SENP6: variants seen among roughly 807,000 people sequenced by gnomAD.
SENP6 encodes the protein SUMO specific peptidase 6, also known as sentrin-specific protease 6.
SENP6 carries 41 observed loss-of-function variants against 134.5 expected under a neutral mutation model. The ratio of observed to expected loss-of-function variants is 0.30; its 90% confidence interval spans 0.24 to 0.40. SENP6 has a LOEUF of 0.40. Ranked by LOEUF, SENP6 falls within the 10% of genes least tolerant of loss-of-function variation. The pLI is 1.00. For missense variants in SENP6, 1,248 were observed against 1,312.5 expected, an observed-to-expected ratio of 0.95 and a Z score of 0.76; for synonymous variants, 395 against 429.8, an observed-to-expected ratio of 0.92 and a Z score of 1.00.
intron 3 of SENP6, among the ~76,000 whole-genome samples, chr6:75,626,566 T>G (rs943972453): frequency 6.6e-6 from 1 of 152,172 alleles, no homozygotes; most frequent in Non-Finnish European, 1.5e-5. Flanking sequence ...TTTCCCCCAG[T>G]CTTTTGCTAT....
chr6:75,636,959 C>T (rs1204641441), intron 5 of SENP6, among the ~76,000 whole-genome samples: 1 of 151,324 alleles, frequency 6.6e-6, no homozygotes, highest in African/African-American at 2.4e-5. Flanking sequence ...TAGCTCACTG[C>T]AGCCTCAAAC....
intron 16 of SENP6, among the ~76,000 whole-genome samples, chr6:75,684,071 G>A (rs532788005): frequency 9.1e-4 from 139 of 151,962 alleles, no homozygotes; most frequent in African/African-American, 3.0e-3. Context: ...CTTTTATTTC[G>A]TTGAGCAGTG....
intron 14 of SENP6, chr6:75,677,975 C>T (rs1003250975): frequency 1.3e-5 from 2 of 152,474 alleles, no homozygotes; most frequent in African/African-American, 4.8e-5. Context: ...AAGGACTCCC[C>T]AGAGAAGAGC....
rs1010930206 is a variant in SENP6 at position 75,716,989 on chromosome 6, C to G, written c.*1395C>G. On this transcript the variant is annotated 3_prime_UTR_variant, in exon 24 of 24. Transcript: ENST00000447266. ...AACAACCAAAAAATATCTATTGAGA[C>G]ACAGTAGAGTCTCAGTAAGAGAAAT... 6.6e-6 allele frequency: 1 copy of G among 151,902 alleles called. No homozygotes were observed. Among genetic ancestry groups the G allele is most frequent in the Non-Finnish European group, 1.5e-5 (1 of 67,852 alleles). The allele number at this position is 151,902 out of a possible 1,614,324, so 9.4% of individuals were successfully genotyped here. A position where few individuals can be genotyped will look rare whatever the true frequency, so the allele number is the denominator to read the frequency against.
At chr6:75,636,008 G>T (rs1769483359) in intron 5 of SENP6, among the ~76,000 whole-genome samples, 1 of 151,780 alleles carries the variant, frequency 6.6e-6, no homozygotes, top group East Asian at 1.9e-4. Flanking sequence ...AATTACTAGT[G>T]ACCTATTTTC....
At chr6:75,651,761 A>G (rs907846050) in intron 7 of SENP6, among the ~76,000 whole-genome samples, 1 of 152,216 alleles carries the variant, frequency 6.6e-6, no homozygotes, top group Non-Finnish European at 1.5e-5. Context: ...CATAATATTC[A>G]TACTGTATGT....
intron 19 of SENP6, among the ~76,000 whole-genome samples, chr6:75,703,276 C>G (rs11754663): frequency 0.24 from 37,033 of 151,186 alleles, 5,894 homozygotes; most frequent in Non-Finnish European, 0.37. Flanking sequence ...GGCAACATAG[C>G]GAGACCCAAT....
chr6:75,643,373 A>G (rs573685555), intron 6 of SENP6, among the ~76,000 whole-genome samples: 3 of 152,288 alleles, frequency 2.0e-5, no homozygotes, highest in South Asian at 4.1e-4. Context: ...AGATGCAAAC[A>G]AAAAGAAAGC....
intron 10 of SENP6, among the ~76,000 whole-genome samples, chr6:75,667,697 G>T (rs1582813904): frequency 6.6e-6 from 1 of 152,136 alleles, no homozygotes; most frequent in Non-Finnish European, 1.5e-5. Flanking sequence ...TTTTTAATGT[G>T]TACTATTTGA....
At chr6:75,622,844 G>A in intron 2 of SENP6, 1 of 1,282,456 alleles carries the variant, frequency 7.8e-7, no homozygotes, top group African/African-American at 1.5e-5. Flanking sequence ...TTATTTGAAG[G>A]AGAGCTTTGA....
chr6:75,662,574 C>G (rs1310981588), intron 8 of SENP6, among the ~76,000 whole-genome samples: 1 of 152,130 alleles, frequency 6.6e-6, no homozygotes, highest in Non-Finnish European at 1.5e-5. Context: ...ATGTTAATCT[C>G]TAGTTTTTAT....
intron 1 of SENP6, among the ~76,000 whole-genome samples, chr6:75,617,979 T>C (rs929742581): frequency 1.3e-5 from 2 of 152,234 alleles, no homozygotes; most frequent in African/African-American, 4.8e-5. Flanking sequence ...ATCACAGTGC[T>C]GAAGTGCTAT....
At chr6:75,714,086 A>G (rs1382028456) in intron 23 of SENP6, among the ~76,000 whole-genome samples, 2 of 152,134 alleles carry the variant, frequency 1.3e-5, no homozygotes, top group African/African-American at 2.4e-5. Context: ...AGCTCTTGCC[A>G]CCTTAAGAAA....
chr6:75,633,592 A>T lies in SENP6; in HGVS notation c.219A>T (p.Arg73=). The change falls in exon 4 of 24, where the codon CGA becomes CGT. Residue 73 remains arginine (R), a synonymous_variant. Transcript: ENST00000447266. ...ATCTTTTTTTACAGTTAAATCGTCG[A>T]TCTGAAATTGTTGCTAATAGCTCTG... ...ETSKGKKLNR[R]SEIVANSSGE... is the part of the protein sequence containing the mutation. 3 of 1,596,348 alleles carry T rather than the reference A, an allele frequency of 1.9e-6. No homozygotes were observed. Among genetic ancestry groups the T allele is most frequent in the Non-Finnish European group, 2.6e-6 (3 of 1,174,864 alleles).
Position 75,602,432 on chromosome 6 carries a change from C to T in SENP6, c.-93C>T. 4 of 1,413,914 alleles carry T rather than the reference C, an allele frequency of 2.8e-6. No individual in the cohort carries two copies. The highest frequency in any genetic ancestry group is 3.9e-6 in the Non-Finnish European group (4 of 1,029,892). The allele number at this position is 1,413,914 out of a possible 1,614,324, so 87.6% of individuals were successfully genotyped here. On this transcript the variant is annotated 5_prime_UTR_variant, in exon 1 of 24. Transcript: ENST00000447266. The stretch of plus-strand genomic sequence containing the variant: ...GAGCCCGAGGCCCGCAACCCTGCGG[C>T]GTCTACCCTCCTCCGGCGCGGCCCC...
chr6:75,688,154 G>A (rs984967643), intron 16 of SENP6, among the ~76,000 whole-genome samples: 1 of 152,230 alleles, frequency 6.6e-6, no homozygotes, highest in Admixed American at 6.5e-5. Flanking sequence ...ATCTCAGACC[G>A]CTGTGCTAGC....
chr6:75,699,662 A>ATT (rs985440867), intron 18 of SENP6, among the ~76,000 whole-genome samples: 1 of 148,612 alleles, frequency 6.7e-6, no homozygotes, highest in African/African-American at 2.5e-5. Flanking sequence ...TAATTTTTGT[A>ATT]TTTTTTTTTA....
At chr6:75,665,199 T>C (rs1772105476) in intron 9 of SENP6, among the ~76,000 whole-genome samples, 1 of 150,788 alleles carries the variant, frequency 6.6e-6, no homozygotes, top group Admixed American at 6.6e-5. Context: ...GGCAGGAGAA[T>C]GGCATCAACC....
intron 19 of SENP6, among the ~76,000 whole-genome samples, chr6:75,705,778 T>G (rs553515973): frequency 1.3e-5 from 2 of 151,884 alleles, no homozygotes; most frequent in African/African-American, 2.4e-5. Flanking sequence ...CTAATGAATC[T>G]TATTTGGATG....
Sources: gnomAD v4.1 joint callset for allele counts (sites outside exome capture counted in the v4.1 genomes callset) on GRCh38, gnomAD v4.1.1 for gene constraint, MANE v1.5 for transcripts, NCBI Gene and HGNC (gene_info 2026-07-23, HGNC 2026-07-21) for gene names.